Variants in DIP2C observed in about 807,000 individuals in gnomAD.
DIP2C encodes the protein DIP2 acetate--CoA ligase C (putative).
A neutral mutation model predicts 192.4 loss-of-function variants in DIP2C; 33 were observed. The ratio of observed to expected loss-of-function variants is 0.17; its 90% confidence interval spans 0.13 to 0.23. The LOEUF (loss-of-function observed/expected upper bound fraction) is 0.23. Ranked by LOEUF, DIP2C falls within the 10% of genes least tolerant of loss-of-function variation. The probability of loss-of-function intolerance (pLI) is 1.00; values close to 1 mark genes in which losing one functional copy is unlikely to be tolerated. For missense variants in DIP2C, 1,537 were observed against 2,110.1 expected, an observed-to-expected ratio of 0.73 and a Z score of 5.32; for synonymous variants, 979 against 864.1, an observed-to-expected ratio of 1.13 and a Z score of -2.33.
intron 22 of DIP2C, among the ~76,000 whole-genome samples, chr10:358,304 G>A (rs1025634507): frequency 6.6e-6 from 1 of 151,390 alleles, no homozygotes. Flanking sequence ...TCACTGCAGA[G>A]ACCTGTGGCT....
At chr10:621,454 A>G (rs971333573) in intron 1 of DIP2C, among the ~76,000 whole-genome samples, 3 of 151,800 alleles carry the variant, frequency 2.0e-5, no homozygotes, top group Non-Finnish European at 4.4e-5. Context: ...GTGTGCACAC[A>G]CGCTCTGTAT....
chr10:477,730 G>A (rs558252962), intron 2 of DIP2C, among the ~76,000 whole-genome samples: 6 of 128,250 alleles, frequency 4.7e-5, no homozygotes, highest in African/African-American at 1.1e-4. Flanking sequence ...AGAAAGAGAA[G>A]GAAAGAAAGA....
At chr10:449,637 C>CGGGGGAG (rs1274765602) in intron 3 of DIP2C, among the ~76,000 whole-genome samples, 2 of 46,020 alleles carry the variant, frequency 4.3e-5, no homozygotes, top group South Asian at 5.8e-4. Context: ...GTGGTGGGGT[C>CGGGGGAG]GGGGGAGGGG....
At chr10:494,622 T>C (rs1266636036) in intron 1 of DIP2C, among the ~76,000 whole-genome samples, 1 of 151,948 alleles carries the variant, frequency 6.6e-6, no homozygotes, top group African/African-American at 2.4e-5. Flanking sequence ...ATGAGGAGGC[T>C]GCTCAACCAG....
At chr10:514,592 C>T (rs1338523042) in intron 1 of DIP2C, among the ~76,000 whole-genome samples, 1 of 152,202 alleles carries the variant, frequency 6.6e-6, no homozygotes. Flanking sequence ...ACCGCGGGTT[C>T]CAGGGCTGCC....
At position 652,905 on chromosome 10, in the gene DIP2C, G is replaced by A. The variant is rs1005013718; in HGVS notation, c.85+36589C>T. On this transcript the variant is annotated intron_variant, in intron 1 of 36. Transcript: ENST00000280886. This position sits in a 1 kb window ranked among gnomAD's most constrained non-coding sequence, Gnocchi z 4.5. ...ATGGACCCTGCTCTCCTTCCTCCCC[G>A]CCCACAGCTACCTCGCAGCAGCCAC... 5.9e-5 allele frequency among the ~76,000 whole-genome samples: 9 copies of A among 151,290 alleles called. No homozygotes were observed. The highest frequency in any genetic ancestry group is 1.9e-4 in the East Asian group (1 of 5,164).
chr10:361,571 C>T (rs1032195113), intron 22 of DIP2C, among the ~76,000 whole-genome samples: 3 of 152,152 alleles, frequency 2.0e-5, no homozygotes, highest in African/African-American at 7.2e-5. Flanking sequence ...CAGCTGGGAC[C>T]GTGGGTCACT....
At chr10:592,462 T>G (rs1254614706) in intron 1 of DIP2C, among the ~76,000 whole-genome samples, 1 of 152,178 alleles carries the variant, frequency 6.6e-6, no homozygotes, top group African/African-American at 2.4e-5. Context: ...GTTCCCACCA[T>G]GGAATATTCC....
At chr10:348,485 C>A (rs1221482465) in intron 26 of DIP2C, among the ~76,000 whole-genome samples, 156 bp downstream of exon 26, 3 of 152,140 alleles carry the variant, frequency 2.0e-5, no homozygotes, top group African/African-American at 4.8e-5. Context: ...ACTCTAGGCT[C>A]CCTGCAGGTA....
chr10:379,203 C>A (rs1411300277), intron 17 of DIP2C, among the ~76,000 whole-genome samples: 3 of 25,236 alleles, frequency 1.2e-4, no homozygotes, highest in Admixed American at 3.2e-4. Context: ...CCCCCCCCCC[C>A]CACAACCCCT....
intron 8 of DIP2C, among the ~76,000 whole-genome samples, chr10:409,472 A>G (rs1208215954): frequency 6.6e-6 from 1 of 152,212 alleles, no homozygotes; most frequent in East Asian, 1.9e-4. Context: ...GAGTAAAAGC[A>G]ATGACTCCAA....
chr10:423,683 G>T (rs1390849930), intron 4 of DIP2C, among the ~76,000 whole-genome samples: 3 of 152,162 alleles, frequency 2.0e-5, no homozygotes, highest in Non-Finnish European at 2.9e-5. Flanking sequence ...TTGTGCGTTG[G>T]TGTGTTAGAT....
chr10:413,776 G>T (rs575606662), intron 8 of DIP2C, 137 bp downstream of exon 8: 13 of 1,089,676 alleles, frequency 1.2e-5, no homozygotes, highest in Non-Finnish European at 1.7e-5. Context: ...GTGGCTGCGC[G>T]AGGGCGTGGG....
chr10:405,413 T>C (rs764488985), intron 9 of DIP2C, among the ~76,000 whole-genome samples: 1 of 152,236 alleles, frequency 6.6e-6, no homozygotes, highest in African/African-American at 2.4e-5. Flanking sequence ...GAATATAAAA[T>C]TGTACATTAT....
intron 17 of DIP2C, among the ~76,000 whole-genome samples, chr10:382,276 C>A (rs1962439943): frequency 1.3e-5 from 2 of 152,126 alleles, no homozygotes; most frequent in South Asian, 4.1e-4. Flanking sequence ...GGTAACACTA[C>A]AAGAAAAGCA....
Position 369,574 on chromosome 10 carries a change from G to A in DIP2C, c.2051C>T (p.Thr684Ile), listed in dbSNP as rs1347711426. The A allele has an allele frequency of 1.9e-6, 3 of 1,611,488 alleles. No individual in the cohort carries two copies. Among genetic ancestry groups the A allele is most frequent in the Non-Finnish European group, 2.5e-6 (3 of 1,178,710 alleles). ...GRGVLSMHGL[T>I]YGVIRVDSEE... ...CGAGTCCACACGAATGACCCCATAGGTCAGTCCATGCATGGAGAGGACACC... is the reference window on the plus strand; with the variant it reads ...CGAGTCCACACGAATGACCCCATAGATCAGTCCATGCATGGAGAGGACACC... Residue 684 changes from threonine (T) to isoleucine (I), a missense_variant, in exon 18 of 37, where the codon ACC (threonine) becomes ATC (isoleucine). Coordinates refer to ENST00000280886, the MANE Select transcript of DIP2C (RefSeq NM_014974.3).
chr10:482,245 A>G (rs1843666113), intron 2 of DIP2C, among the ~76,000 whole-genome samples: 2 of 152,182 alleles, frequency 1.3e-5, no homozygotes, highest in African/African-American at 4.8e-5. Flanking sequence ...GAACTGAGAC[A>G]AGTCCGTATT....
At chr10:340,946 G>C in intron 29 of DIP2C, 1 of 586,014 alleles carries the variant, frequency 1.7e-6, no homozygotes, top group Non-Finnish European at 3.2e-6. Flanking sequence ...CTGATTGTCA[G>C]AAATAAAGGT....
intron 1 of DIP2C, among the ~76,000 whole-genome samples, chr10:564,653 A>T (rs1475117403): frequency 6.6e-6 from 1 of 152,074 alleles, no homozygotes. Flanking sequence ...GAGGTAAAAG[A>T]AGTTCCCTCC....
Sources: gnomAD v4.1 joint callset for allele counts (sites outside exome capture counted in the v4.1 genomes callset) on GRCh38, gnomAD v4.1.1 for gene constraint, Gnocchi (gnomAD v3.1) non-coding constraint, MANE v1.5 for transcripts, NCBI Gene and HGNC (gene_info 2026-07-23, HGNC 2026-07-21) for gene names.